Variants in GPATCH2 observed in about 807,000 individuals in gnomAD.
GPATCH2 encodes the protein G patch domain-containing protein 2.
Under a neutral mutation model 58.0 loss-of-function variants are expected in GPATCH2, and 51 were observed. The observed-to-expected ratio is 0.88, with a 90% CI of 0.70 to 1.11. The LOEUF is 1.11. Among genes scored for constraint, GPATCH2 ranks in the 50% most tolerant of loss-of-function variants. The pLI, the probability that GPATCH2 is intolerant of heterozygous loss-of-function variation, is 0.00. For synonymous variants in GPATCH2, 222 were observed against 218.5 expected (o/e 1.02, Z -0.14); for missense variants, 625 against 652.2 (o/e 0.96, Z 0.45).
At chr1:217,465,332 T>TACAAATTTGTATACAAATTATAC (rs1393948080) in intron 8 of GPATCH2, among the ~76,000 whole-genome samples, 2 of 152,068 alleles carry the variant, frequency 1.3e-5, no homozygotes, top group African/African-American at 2.4e-5. Flanking sequence ...AGATCCAATA[T>TACAAATTTGTATACAAATTATAC]AAGTATAATA....
intron 5 of GPATCH2, among the ~76,000 whole-genome samples, chr1:217,604,574 A>C (rs1197550265): frequency 1.3e-5 from 2 of 152,206 alleles, no homozygotes; most frequent in Admixed American, 6.5e-5. Context: ...TGCACTAGTG[A>C]ATTCCACTCA....
At chr1:217,467,776 A>C (rs1660529844) in intron 8 of GPATCH2, among the ~76,000 whole-genome samples, 1 of 152,192 alleles carries the variant, frequency 6.6e-6, no homozygotes, top group African/African-American at 2.4e-5. Flanking sequence ...TGTGGTTTCT[A>C]AACCTATTTC....
intron 5 of GPATCH2, 21 bp downstream of exon 5, chr1:217,610,300 A>T: frequency 6.6e-7 from 1 of 1,517,984 alleles, no homozygotes; most frequent in East Asian, 2.3e-5. Context: ...CATGACAATT[A>T]CACAGAAAAA....
At chr1:217,468,538 CACACACACACACACACACACACACAG>C (rs1197095400) in intron 8 of GPATCH2, among the ~76,000 whole-genome samples, 24 of 90,824 alleles carry the variant, frequency 2.6e-4, no homozygotes, top group Non-Finnish European at 5.5e-4. Context: ...CACACACACA[CACACACACACACACACACACACACAG>C]AGAGAAAGAG....
At chr1:217,611,150 TA>T in intron 3 of GPATCH2, 79 bp from the exon 4 acceptor site, 1 of 1,287,328 alleles carries the variant, frequency 7.8e-7, no homozygotes, top group Non-Finnish European at 1.1e-6. Flanking sequence ...TGTCAGGTAA[TA>T]AAAATACAAG....
chr1:217,468,515 C>CCACACA (rs10524566), intron 8 of GPATCH2, among the ~76,000 whole-genome samples: 10 of 142,702 alleles, frequency 7.0e-5, no homozygotes, highest in South Asian at 2.3e-4. Context: ...GCACACACAA[C>CCACACA]CACACACACA....
intron 5 of GPATCH2, among the ~76,000 whole-genome samples, chr1:217,554,743 C>T (rs759410192): frequency 2.0e-5 from 3 of 152,102 alleles, no homozygotes; most frequent in Non-Finnish European, 2.9e-5. Context: ...TACTTTGATA[C>T]TTCTTATATG....
chr1:217,451,240 T>G (rs998428052), intron 8 of GPATCH2, among the ~76,000 whole-genome samples: 1 of 152,196 alleles, frequency 6.6e-6, no homozygotes, highest in Admixed American at 6.5e-5. Context: ...AGGATAAAAT[T>G]TGTGCTTCCA....
chr1:217,461,425 AT>A (rs773461827), intron 8 of GPATCH2, among the ~76,000 whole-genome samples: 11 of 152,304 alleles, frequency 7.2e-5, no homozygotes, highest in Non-Finnish European at 1.5e-4. Context: ...ACAAACTAAT[AT>A]TCTAGCCAGA....
Position 217,571,717 on chromosome 1 carries a change from AAAAC to A in GPATCH2, c.1098+38600_1098+38603del, listed in dbSNP as rs1357906029. Among the ~76,000 whole-genome samples the A allele has an allele frequency of 6.1e-5, 9 of 148,360 alleles. No homozygotes were observed. The South Asian group carries it at 1.5e-3, about 24-fold the overall frequency. ...AAAAACGAAACCAAAAAAAAAAAAA[AAAAC>A]AAAAAAGAAGAAAATAAGAAAATTA... On this transcript the variant is annotated intron_variant, in intron 5 of 9. Coordinates refer to ENST00000366935, the MANE Select transcript of GPATCH2 (RefSeq NM_018040.5).
chr1:217,606,478 C>A (rs1433433279), intron 5 of GPATCH2, among the ~76,000 whole-genome samples: 7 of 152,040 alleles, frequency 4.6e-5, no homozygotes, highest in Admixed American at 1.3e-4. Context: ...TATGAACAAG[C>A]CAGTTGCGGT....
chr1:217,506,062 C>G (rs905502868), intron 6 of GPATCH2, among the ~76,000 whole-genome samples: 2 of 152,108 alleles, frequency 1.3e-5, no homozygotes, highest in African/African-American at 4.8e-5. Flanking sequence ...CTCAAGTGAT[C>G]CTCCCATTTC....
At chr1:217,571,882 C>A (rs1666571171) in intron 5 of GPATCH2, among the ~76,000 whole-genome samples, 1 of 149,362 alleles carries the variant, frequency 6.7e-6, no homozygotes. Context: ...GCCTGGGCCA[C>A]AAGAGATTCT....
At chr1:217,457,288 C>T (rs1659987826) in intron 8 of GPATCH2, among the ~76,000 whole-genome samples, 2 of 152,150 alleles carry the variant, frequency 1.3e-5, no homozygotes, top group Non-Finnish European at 2.9e-5. Context: ...AAAAAGTCCG[C>T]TTATCAATGT....
chr1:217,473,118 T>G (rs891030938), intron 8 of GPATCH2, among the ~76,000 whole-genome samples: 4 of 152,188 alleles, frequency 2.6e-5, no homozygotes, highest in Non-Finnish European at 5.9e-5. Flanking sequence ...TACCTATCTG[T>G]GAGTAATCAA....
intron 5 of GPATCH2, among the ~76,000 whole-genome samples, chr1:217,588,952 G>C (rs555991132): frequency 6.6e-6 from 1 of 152,240 alleles, no homozygotes; most frequent in Admixed American, 6.5e-5. Flanking sequence ...CTGCTTACGT[G>C]AACTAGGCTG....
intron 8 of GPATCH2, among the ~76,000 whole-genome samples, chr1:217,463,622 T>A (rs575497897): frequency 1.2e-5 from 1 of 82,776 alleles, no homozygotes; most frequent in African/African-American, 5.4e-5. Flanking sequence ...CTGGGCAACA[T>A]AGCAAGAACT....
intron 5 of GPATCH2, among the ~76,000 whole-genome samples, chr1:217,553,208 T>C (rs1170412044): frequency 1.3e-5 from 2 of 152,148 alleles, no homozygotes; most frequent in African/African-American, 4.8e-5. Context: ...CTATTCAAGA[T>C]GTCTGTGGTT....
chr1:217,471,159 CAA>C (rs1660706761), intron 8 of GPATCH2, among the ~76,000 whole-genome samples: 1 of 151,760 alleles, frequency 6.6e-6, no homozygotes, highest in Non-Finnish European at 1.5e-5. Context: ...TGAAATATGA[CAA>C]AAGAGAATTT....
Sources: allele counts gnomAD v4.1 joint callset (sites outside exome capture counted in the v4.1 genomes callset), GRCh38; gene constraint gnomAD v4.1.1; transcripts MANE v1.5; gene names NCBI Gene and HGNC (gene_info 2026-07-23, HGNC 2026-07-21).